The following EIF4A3 variants were observed in gnomAD, a reference collection of about 807,000 sequenced individuals.
EIF4A3 encodes eukaryotic translation initiation factor 4A3, also known as eukaryotic initiation factor 4A-III.
A neutral mutation model predicts 55.6 loss-of-function variants in EIF4A3; 1 was observed. The observed-to-expected ratio is 0.02, with a 90% confidence interval of 0.01 to 0.09. The LOEUF is 0.09. Among genes scored for constraint, EIF4A3 ranks in the 10% least tolerant of loss-of-function variants. The probability of loss-of-function intolerance (pLI) is 1.00; values close to 1 mark genes in which losing one functional copy is unlikely to be tolerated. For synonymous variants in EIF4A3, 194 were observed against 196.3 expected (o/e 0.99, Z 0.10); for missense variants, 221 against 540.7 (o/e 0.41, Z 5.86).
intron 4 of EIF4A3, 178 bp from the exon 5 acceptor site, chr17:80,140,318 T>A: frequency 1.4e-6 from 1 of 737,252 alleles, no homozygotes; most frequent in Non-Finnish European, 1.9e-6. Context: ...TTTTGCTTTT[T>A]TTTTTTTTTT....
chr17:80,136,093 G>C lies in EIF4A3; in HGVS notation c.1130C>G (p.Ala377Gly), dbSNP rs150484871. 1 of 1,613,968 alleles carries C rather than the reference G, an allele frequency of 6.2e-7. No individual in the cohort carries two copies. The highest frequency in any genetic ancestry group is 8.5e-7 in the Non-Finnish European group (1 of 1,180,034). ...GTCGTCATTCTTTACAAAGTTAATGGCCACACCCTTCCGGCCGTATCGACC... is the reference window on the plus strand; with the variant it reads ...GTCGTCATTCTTTACAAAGTTAATGCCCACACCCTTCCGGCCGTATCGACC... ...RSGRYGRKGV[A>G]INFVKNDDIR... Residue 377 changes from alanine (A) to glycine (G), a missense_variant, in exon 11 of 12, where the codon GCC becomes GGC. Coordinates refer to ENST00000649764, the MANE Select transcript of EIF4A3 (RefSeq NM_014740.4).
intron 2 of EIF4A3, among the ~76,000 whole-genome samples, chr17:80,143,382 T>C (rs1260309616): frequency 6.6e-6 from 1 of 152,210 alleles, no homozygotes; most frequent in Non-Finnish European, 1.5e-5. Flanking sequence ...GGAACCCAAC[T>C]TGAAGCTGCT....
intron 2 of EIF4A3, among the ~76,000 whole-genome samples, chr17:80,143,829 A>T (rs554426445): frequency 6.6e-6 from 1 of 152,066 alleles, no homozygotes; most frequent in East Asian, 1.9e-4. Flanking sequence ...AAAATATGAA[A>T]ATTAGTCGGG....
intron 1 of EIF4A3, among the ~76,000 whole-genome samples, 173 bp from the exon 2 acceptor site, chr17:80,144,417 G>C (rs2039642051): frequency 6.6e-6 from 1 of 151,644 alleles, no homozygotes; most frequent in Non-Finnish European, 1.5e-5. Context: ...TGGGCTGAGT[G>C]ATTTCTACAC....
At chr17:80,144,362 A>G in intron 1 of EIF4A3, 118 bp from the exon 2 acceptor site, 1 of 859,060 alleles carries the variant, frequency 1.2e-6, no homozygotes. Context: ...AGCCTAACCC[A>G]GTGTTCAACA....
chr17:80,136,047 G>A lies in EIF4A3; in HGVS notation c.1176C>T (p.Ile392=), dbSNP rs544350290. The A allele has an allele frequency of 3.0e-5, 48 of 1,614,010 alleles. No individual in the cohort carries two copies. In the Middle Eastern group the frequency reaches 5.0e-4, roughly 17 times the overall value. Residue 392 remains isoleucine (I), a synonymous_variant, in exon 11 of 12, where the codon ATC becomes ATT. Coordinates refer to ENST00000649764, the MANE Select transcript of EIF4A3 (RefSeq NM_014740.4). ...CAATCTGAGTGGAATAGTACTGCTC[G>A]ATATCTCTGAGGATGCGGATGTCGT... ...KNDDIRILRD[I]EQYYSTQIDE...
chr17:80,141,652 T>C (rs1460439853), intron 3 of EIF4A3, 130 bp downstream of exon 3: 1 of 859,512 alleles, frequency 1.2e-6, no homozygotes, highest in African/African-American at 1.7e-5. Context: ...TAAGACTCTG[T>C]GTAAAAATTT....
chr17:80,142,715 C>T (rs1476632084), intron 2 of EIF4A3, among the ~76,000 whole-genome samples: 4 of 151,950 alleles, frequency 2.6e-5, no homozygotes, highest in African/African-American at 9.7e-5. Flanking sequence ...ACTGCATTCC[C>T]GCCTGGGTGA....
chr17:80,141,907 A>C (rs2039621883), intron 2 of EIF4A3, 59 bp from the exon 3 acceptor site: 3 of 1,448,600 alleles, frequency 2.1e-6, no homozygotes, highest in East Asian at 4.6e-5. Context: ...CCACAGCTGC[A>C]CTCCAAGGCC....
At position 80,136,324 on chromosome 17, in the gene EIF4A3, A is replaced by G; in HGVS notation, c.995T>C (p.Ile332Thr). 1 of 1,613,800 alleles carries G rather than the reference A, an allele frequency of 6.2e-7. No homozygotes were observed. Among genetic ancestry groups the G allele is most frequent in the Non-Finnish European group, 8.5e-7 (1 of 1,179,860 alleles). The part of the protein sequence containing the change: ...EFRSGASRVL[I>T]STDVWARGLD... ...CCCCCTGGCCCAGACATCTGTAGAA[A>G]TAAGCACTCGGCTGCAAAAAGAAAG... The change falls in exon 10 of 12, where the codon ATT (isoleucine) becomes ACT (threonine). Residue 332 changes from isoleucine (I) to threonine (T), a missense_variant. Coordinates refer to ENST00000649764, the MANE Select transcript of EIF4A3 (RefSeq NM_014740.4).
rs149463025 is a variant in EIF4A3 at position 80,137,487 on chromosome 17, C to G, written c.882G>C (p.Thr294=). ...TGAAGTTGGCTTCCCTCATTTTCTC[C>G]GTCAGCCAGTCCACCTACAAATCCA... is the stretch of plus-strand genomic sequence containing the variant. ...CNTKRKVDWL[T]EKMREANFTV... Residue 294 remains threonine (T), a synonymous_variant, in exon 9 of 12, where the codon ACG becomes ACC. Coordinates refer to ENST00000649764, the MANE Select transcript of EIF4A3 (RefSeq NM_014740.4). The G allele has an allele frequency of 6.2e-7, 1 of 1,613,112 alleles. No individual in the cohort carries two copies. The highest frequency in any genetic ancestry group is 2.2e-5 in the East Asian group (1 of 44,838).
rs1398046847 is a variant in EIF4A3, at chr17:80,146,905, T to A, written c.57A>T (p.Lys19Asn). The A allele has an allele frequency of 6.2e-7, 1 of 1,610,320 alleles. No homozygotes were observed. Among genetic ancestry groups the A allele is most frequent in the Non-Finnish European group, 8.5e-7 (1 of 1,178,734 alleles). The change falls in exon 1 of 12, where the codon AAA (lysine) becomes AAT (asparagine). Residue 19 changes from lysine (K) to asparagine (N), a missense_variant. Lys to Asn is a moderately conservative substitution (Grantham distance 94). Around this residue, in one of 4 missense-constraint regions of EIF4A3, gnomAD observed 43 missense variants for 39.1 expected, o/e 1.10. Coordinates refer to ENST00000649764, the MANE Select transcript of EIF4A3 (RefSeq NM_014740.4). ...ATTCCACTTTAGTCATGTCTTCCTC[T>A]TTGAGCAGCCGCTTTCGCGCCGAGC... The part of the protein sequence containing the change: ...TSGSARKRLL[K>N]EEDMTKVEFE...
rs1277908014 is a variant in EIF4A3, at chr17:80,137,996, A to T, written c.867+146T>A. ...ACGTCTGACCGTTTGCATATTGTCTACAGCTGCTTTTACAAGAGAACACAT... is the reference window on the plus strand; with the variant it reads ...ACGTCTGACCGTTTGCATATTGTCTTCAGCTGCTTTTACAAGAGAACACAT... On this transcript the variant is annotated intron_variant, in intron 8 of 11. Coordinates refer to ENST00000649764, the MANE Select transcript of EIF4A3 (RefSeq NM_014740.4). 1.4e-5 allele frequency: 14 copies of T among 1,012,794 alleles called. No individual in the cohort carries two copies. The East Asian group carries it at 3.2e-4, about 23-fold the overall frequency. 62.7% of individuals were successfully genotyped at this position (1,012,794 alleles called of 1,614,324 possible).
At chr17:80,136,650 T>G in intron 9 of EIF4A3, 1 of 302,640 alleles carries the variant, frequency 3.3e-6, no homozygotes, top group Non-Finnish European at 6.1e-6. Context: ...ACTTCACTTT[T>G]GCCTAGCAAA....
intron 1 of EIF4A3, among the ~76,000 whole-genome samples, chr17:80,145,750 C>G (rs956348056): frequency 1.3e-5 from 2 of 152,156 alleles, no homozygotes; most frequent in Non-Finnish European, 2.9e-5. Flanking sequence ...GCTCCTGATT[C>G]TGACTCTCTG....
At chr17:80,138,723 A>C (rs2039593543) in intron 7 of EIF4A3, 1 of 375,258 alleles carries the variant, frequency 2.7e-6, no homozygotes, top group African/African-American at 2.1e-5. Context: ...CAGCCTCCTG[A>C]GTAGCTGGGA....
intron 1 of EIF4A3, among the ~76,000 whole-genome samples, chr17:80,144,670 TA>T (rs200052322): frequency 2.5e-3 from 366 of 146,832 alleles, no homozygotes; most frequent in Admixed American, 3.8e-3. Flanking sequence ...CTTTTTAAAT[TA>T]AAAAAAAAAA....
chr17:80,134,904 C>A lies in EIF4A3; in HGVS notation c.*586G>T, dbSNP rs1332513303. On this transcript the variant is annotated 3_prime_UTR_variant, in exon 12 of 12. Transcript: ENST00000649764. Reference sequence around the variant, plus strand: ...CAGTGGCTCACGCCTGTAATCCCAGCACTTTGGGAGGCCGAGGTGGGTGGA... The same window carrying A: ...CAGTGGCTCACGCCTGTAATCCCAGAACTTTGGGAGGCCGAGGTGGGTGGA... 6.6e-6 allele frequency among the ~76,000 whole-genome samples: 1 copy of A among 152,072 alleles called. No individual in the cohort carries two copies. The highest frequency in any genetic ancestry group is 1.5e-5 in the Non-Finnish European group (1 of 68,020).
At chr17:80,145,023 AAC>A (rs2039648134) in intron 1 of EIF4A3, among the ~76,000 whole-genome samples, 2 of 152,262 alleles carry the variant, frequency 1.3e-5, no homozygotes, top group Non-Finnish European at 2.9e-5. Context: ...AAAAATAAGA[AAC>A]AAAAGAAAAT....
Sources: gnomAD v4.1 joint callset for allele counts (sites outside exome capture counted in the v4.1 genomes callset) on GRCh38, gnomAD v4.1.1 for gene constraint, gnomAD v4.1.1 regional missense constraint, MANE v1.5 for transcripts, NCBI Gene and HGNC (gene_info 2026-07-23, HGNC 2026-07-21) for gene names.